The following PTPRD variants were observed in gnomAD, a reference collection of about 807,000 sequenced individuals.
PTPRD encodes receptor-type tyrosine-protein phosphatase delta.
Under a neutral mutation model 214.5 loss-of-function variants are expected in PTPRD, and 34 were observed. The ratio of observed to expected loss-of-function variants is 0.16; its 90% CI spans 0.12 to 0.21. The LOEUF is 0.21. Ranked by LOEUF, PTPRD falls within the 10% of genes least tolerant of loss-of-function variation. PTPRD has a pLI of 1.00. For synonymous variants in PTPRD, 1,128 were observed against 845.7 expected (o/e 1.33, Z -5.79); for missense variants, 2,545 against 2,398.7 (o/e 1.06, Z -1.27).
At chr9:9,750,554 G>A (rs970387791) in intron 6 of PTPRD, among the ~76,000 whole-genome samples, 8 of 152,188 alleles carry the variant, frequency 5.3e-5, no homozygotes, top group East Asian at 1.9e-4. Flanking sequence ...TTAAAGCAAA[G>A]GGTGAGCCCA....
intron 5 of PTPRD, among the ~76,000 whole-genome samples, chr9:9,876,522 T>C (rs1164095216): frequency 6.6e-6 from 1 of 152,134 alleles, no homozygotes; most frequent in African/African-American, 2.4e-5. Flanking sequence ...AAAGCACACA[T>C]GATGTGAAAA....
At chr9:10,395,611 T>C (rs558083144) in intron 2 of PTPRD, among the ~76,000 whole-genome samples, 5 of 152,046 alleles carry the variant, frequency 3.3e-5, no homozygotes, top group African/African-American at 7.2e-5. Context: ...CAAATGTATA[T>C]ATAACTAATG....
chr9:9,231,894 A>G (rs2099963353), intron 9 of PTPRD, among the ~76,000 whole-genome samples: 1 of 152,082 alleles, frequency 6.6e-6, no homozygotes, highest in Non-Finnish European at 1.5e-5. Flanking sequence ...TCTGATAATC[A>G]GGCATTTCTT....
chr9:8,557,156 G>A (rs932824509), intron 14 of PTPRD, among the ~76,000 whole-genome samples: 2 of 152,022 alleles, frequency 1.3e-5, no homozygotes, highest in Non-Finnish European at 2.9e-5. Flanking sequence ...GCTTCTGTTA[G>A]CCGAGGTACA....
chr9:8,926,783 ATTC>A (rs1471143219), intron 11 of PTPRD, among the ~76,000 whole-genome samples: 2 of 152,214 alleles, frequency 1.3e-5, no homozygotes, highest in Admixed American at 1.3e-4. Flanking sequence ...CTTCTTGATA[ATTC>A]TTTCTGAAAA....
intron 3 of PTPRD, among the ~76,000 whole-genome samples, chr9:10,067,531 C>A (rs1330524790): frequency 2.0e-5 from 3 of 151,884 alleles, no homozygotes; most frequent in Non-Finnish European, 4.4e-5. Flanking sequence ...ATACTAGCAT[C>A]TAAAATTGAC....
intron 2 of PTPRD, among the ~76,000 whole-genome samples, chr9:10,371,593 C>A (rs2097620785): frequency 6.6e-6 from 1 of 152,038 alleles, no homozygotes; most frequent in African/African-American, 2.4e-5. Context: ...TCTCTTTTCT[C>A]CTGTAATGAA....
At chr9:9,063,930 A>T (rs1054631866) in intron 10 of PTPRD, among the ~76,000 whole-genome samples, 1 of 152,190 alleles carries the variant, frequency 6.6e-6, no homozygotes, top group Non-Finnish European at 1.5e-5. Context: ...ATTTTATATG[A>T]CATGGCATTA....
At chr9:10,242,954 A>C (rs1279230195) in intron 3 of PTPRD, among the ~76,000 whole-genome samples, 1 of 151,786 alleles carries the variant, frequency 6.6e-6, no homozygotes, top group South Asian at 2.1e-4. Context: ...AGAGAGAGAG[A>C]GAGCCAAAGA....
At chr9:9,501,080 G>A (rs1441190422) in intron 8 of PTPRD, among the ~76,000 whole-genome samples, 2 of 151,086 alleles carry the variant, frequency 1.3e-5, no homozygotes, top group Non-Finnish European at 3.0e-5. Flanking sequence ...TTCAGGAGAG[G>A]AAAAACAAGG....
intron 11 of PTPRD, among the ~76,000 whole-genome samples, chr9:8,783,736 G>C (rs2154495546): frequency 6.6e-6 from 1 of 152,216 alleles, no homozygotes; most frequent in Admixed American, 6.5e-5. Context: ...TGCAGTACTG[G>C]TCTGATGGCT....
intron 5 of PTPRD, among the ~76,000 whole-genome samples, chr9:9,791,714 CT>C (rs1332358792): frequency 6.6e-5 from 10 of 152,188 alleles, no homozygotes; most frequent in African/African-American, 1.9e-4. Context: ...TACCAACAGT[CT>C]TTCCTTTTAA....
intron 6 of PTPRD, among the ~76,000 whole-genome samples, chr9:9,748,699 A>C (rs1385163503): frequency 6.6e-6 from 1 of 152,118 alleles, no homozygotes; most frequent in East Asian, 1.9e-4. Context: ...CAAATAAAAA[A>C]ATTATTTCAG....
chr9:9,146,291 A>C (rs780673673), intron 10 of PTPRD, among the ~76,000 whole-genome samples: 1 of 152,142 alleles, frequency 6.6e-6, no homozygotes, highest in African/African-American at 2.4e-5. Context: ...GTCAAGCTCA[A>C]TTACATATTT....
chr9:8,750,523 G>GAA (rs1284265892), intron 11 of PTPRD, among the ~76,000 whole-genome samples: 1 of 152,054 alleles, frequency 6.6e-6, no homozygotes, highest in Admixed American at 6.5e-5. Flanking sequence ...AACAGGGGTA[G>GAA]AAAAATAACT....
At chr9:9,951,389 C>A (rs1377927713) in intron 4 of PTPRD, among the ~76,000 whole-genome samples, 1 of 152,170 alleles carries the variant, frequency 6.6e-6, no homozygotes, top group Admixed American at 6.5e-5. Flanking sequence ...CCTGTAAACA[C>A]CATCTAGCCT....
At chr9:10,321,995 T>A (rs890431200) in intron 3 of PTPRD, among the ~76,000 whole-genome samples, 1 of 152,098 alleles carries the variant, frequency 6.6e-6, no homozygotes, top group African/African-American at 2.4e-5. Flanking sequence ...ATGGCAGAAA[T>A]GGTAGTATGG....
chr9:10,197,401 T>A lies in PTPRD; in HGVS notation c.-545+143562A>T, dbSNP rs2099402402. On this transcript the variant is annotated intron_variant, in intron 3 of 45. Coordinates refer to ENST00000381196, the MANE Select transcript of PTPRD (RefSeq NM_002839.4). ...AATAGAAATGTGAGATCATTCCCTT[T>A]AATAGAATTGCTTTCCTTTCTCTTA... is the stretch of plus-strand genomic sequence containing the variant. Among the ~76,000 whole-genome samples the A allele has an allele frequency of 2.0e-5, 3 of 152,266 alleles. No homozygotes were observed. The South Asian group carries it at 6.2e-4, about 32-fold the overall frequency.
rs1219758521 is a variant in PTPRD, at chr9:9,622,000, T to C, written c.-286-47219A>G. On this transcript the variant is annotated intron_variant, in intron 7 of 45. Coordinates refer to ENST00000381196, the MANE Select transcript of PTPRD (RefSeq NM_002839.4). ...GGAGGCGAGGAGACCTGGTCATCTC[T>C]ACAAAGTAAGAAGAGGTTTACAAGT... 2.0e-5 allele frequency among the ~76,000 whole-genome samples: 3 copies of C among 152,352 alleles called. No individual in the cohort carries two copies. The East Asian group carries it at 5.8e-4, about 29-fold the overall frequency.
Sources: gnomAD v4.1 joint callset for allele counts (sites outside exome capture counted in the v4.1 genomes callset) on GRCh38, gnomAD v4.1.1 for gene constraint, MANE v1.5 for transcripts, NCBI Gene and HGNC (gene_info 2026-07-23, HGNC 2026-07-21) for gene names.